The following RAB27A variants were observed in gnomAD, a reference collection of about 807,000 sequenced individuals.
RAB27A encodes the protein RAB27A, member RAS oncogene family.
In RAB27A, 17 loss-of-function variants were observed where a neutral mutation model predicts 20.8. The ratio of observed to expected loss-of-function variants is 0.82; its 90% CI spans 0.56 to 1.23. The LOEUF is 1.23. Ranked by LOEUF, RAB27A falls within the 50% of genes most tolerant of loss-of-function variation. The probability of loss-of-function intolerance (pLI) is 0.00; values close to 1 mark genes in which losing one functional copy is unlikely to be tolerated. For synonymous variants in RAB27A, 85 were observed against 92.8 expected (o/e 0.92, Z 0.48); for missense variants, 277 against 266.7 (o/e 1.04, Z -0.27).
intron 2 of RAB27A, among the ~76,000 whole-genome samples, chr15:55,313,379 T>G (rs529493125): frequency 2.6e-5 from 4 of 152,102 alleles, no homozygotes; most frequent in Admixed American, 2.0e-4. Flanking sequence ...CAAGCCTGGG[T>G]GACAGAGCGA....
intron 1 of RAB27A, among the ~76,000 whole-genome samples, chr15:55,272,956 A>T (rs191156926): frequency 3.3e-4 from 50 of 152,356 alleles, no homozygotes; most frequent in African/African-American, 1.1e-3. Flanking sequence ...CAAAACAGAC[A>T]GAATGGTGGT....
chr15:55,287,650 G>A (rs1898191857), intron 1 of RAB27A, among the ~76,000 whole-genome samples: 1 of 152,102 alleles, frequency 6.6e-6, no homozygotes, highest in Admixed American at 6.5e-5. Flanking sequence ...AGGAGGATGA[G>A]GCAGGAGAAT....
At chr15:55,237,072 A>C (rs185824955) in intron 2 of RAB27A, among the ~76,000 whole-genome samples, 1 of 152,152 alleles carries the variant, frequency 6.6e-6, no homozygotes, top group Non-Finnish European at 1.5e-5. Context: ...ACGACTCTAC[A>C]TGACTATTCA....
intron 2 of RAB27A, among the ~76,000 whole-genome samples, chr15:55,307,072 A>G (rs1048485294): frequency 1.3e-5 from 2 of 152,050 alleles, no homozygotes; most frequent in African/African-American, 4.8e-5. Context: ...CAGTTGGGAT[A>G]GATAAAATGA....
At chr15:55,209,139 G>A (rs1894795378) in intron 6 of RAB27A, among the ~76,000 whole-genome samples, 1 of 152,014 alleles carries the variant, frequency 6.6e-6, no homozygotes, top group African/African-American at 2.4e-5. Context: ...CTTTATACTA[G>A]AACGATTGGA....
chr15:55,275,602 G>T (rs964925666), intron 1 of RAB27A, among the ~76,000 whole-genome samples: 1 of 151,784 alleles, frequency 6.6e-6, no homozygotes, highest in Admixed American at 6.6e-5. Context: ...CTCCAGCCAG[G>T]TGACAGAATG....
chr15:55,300,887 G>C (rs1461565164), intron 2 of RAB27A, among the ~76,000 whole-genome samples: 2 of 152,020 alleles, frequency 1.3e-5, no homozygotes, highest in Non-Finnish European at 2.9e-5. Flanking sequence ...TTAAATAGCT[G>C]TATCCACCCC....
At chr15:55,218,287 A>T (rs116112938) in intron 6 of RAB27A, among the ~76,000 whole-genome samples, 1 of 152,210 alleles carries the variant, frequency 6.6e-6, no homozygotes, top group African/African-American at 2.4e-5. Context: ...TGAACCTGGG[A>T]TATTGCAGCA....
chr15:55,260,437 T>A (rs1191747334), intron 2 of RAB27A, among the ~76,000 whole-genome samples: 1 of 152,216 alleles, frequency 6.6e-6, no homozygotes, highest in Non-Finnish European at 1.5e-5. Flanking sequence ...TTCTTTGGTA[T>A]TTACCCAAAT....
At chr15:55,273,120 A>G (rs1897754981) in intron 1 of RAB27A, among the ~76,000 whole-genome samples, 1 of 152,232 alleles carries the variant, frequency 6.6e-6, no homozygotes, top group South Asian at 2.1e-4. Context: ...ACTGAAAGAC[A>G]TAGAGGTTGG....
intron 1 of RAB27A, among the ~76,000 whole-genome samples, chr15:55,283,232 T>C (rs979416890): frequency 2.5e-4 from 38 of 152,150 alleles, no homozygotes; most frequent in African/African-American, 9.2e-4. Flanking sequence ...TCCCCAGCTG[T>C]GACAGTCAAA....
intron 2 of RAB27A, among the ~76,000 whole-genome samples, chr15:55,299,232 A>C (rs2054961552): frequency 6.6e-6 from 1 of 152,228 alleles, no homozygotes; most frequent in East Asian, 1.9e-4. Flanking sequence ...ATAAATGTCC[A>C]TAAAATCTTC....
At chr15:55,206,376 CAG>C (rs1456388568) in intron 6 of RAB27A, 10 of 476,580 alleles carry the variant, frequency 2.1e-5, no homozygotes, top group African/African-American at 1.5e-4. Context: ...TGTTTTGAGA[CAG>C]AGTCTCTATC....
At position 55,214,166 on chromosome 15, in the gene RAB27A, A is replaced by G. The variant is rs181367201; in HGVS notation, c.468-8461T>C. 1.8e-3 allele frequency among the ~76,000 whole-genome samples: 270 copies of G among 152,268 alleles called. 1 individual carries two copies. Among genetic ancestry groups the G allele is most frequent in the East Asian group, 3.7e-3 (19 of 5,170 alleles). Reference sequence around the variant, plus strand: ...TAAAAACTGGTTGAGGCCGGGCGCGATGGCTGATGCCTGTAATCCCAGCAC... The same window carrying G: ...TAAAAACTGGTTGAGGCCGGGCGCGGTGGCTGATGCCTGTAATCCCAGCAC... On this transcript the variant is annotated intron_variant, in intron 6 of 6. Coordinates refer to ENST00000336787, the MANE Select transcript of RAB27A (RefSeq NM_183235.3).
At chr15:55,275,839 C>T (rs901198838) in intron 1 of RAB27A, among the ~76,000 whole-genome samples, 2 of 146,092 alleles carry the variant, frequency 1.4e-5, no homozygotes, top group African/African-American at 5.0e-5. Context: ...AAAAAGTGCT[C>T]GACATCACTA....
chr15:55,318,154 A>G (rs1282713781), intron 1 of RAB27A, among the ~76,000 whole-genome samples: 5 of 147,846 alleles, frequency 3.4e-5, no homozygotes, highest in Non-Finnish European at 7.4e-5. Flanking sequence ...CTGGAGTGCA[A>G]TGGCGCAATC....
At chr15:55,262,742 C>T (rs1393963553) in intron 2 of RAB27A, among the ~76,000 whole-genome samples, 1 of 151,260 alleles carries the variant, frequency 6.6e-6, no homozygotes, top group Non-Finnish European at 1.5e-5. Context: ...AGGTGACTGT[C>T]CCGCCCCAGC....
In RAB27A at chr15:55,205,480, GA is replaced by G; in HGVS notation, c.*26del. On this transcript the variant is annotated 3_prime_UTR_variant, in exon 7 of 7. Coordinates refer to ENST00000336787, the MANE Select transcript of RAB27A (RefSeq NM_183235.3). ...AGAAGATCCCAGGCATGGGCCACCT[GA>G]ACTACTATGTCGCTTACTTGACTTC... is the stretch of plus-strand genomic sequence containing the variant. The G allele has an allele frequency of 2.5e-6, 4 of 1,604,724 alleles. No homozygotes were observed. The highest frequency in any genetic ancestry group is 3.4e-6 in the Non-Finnish European group (4 of 1,171,510).
intron 1 of RAB27A, among the ~76,000 whole-genome samples, chr15:55,284,608 G>A (rs1407957106): frequency 6.6e-6 from 1 of 152,214 alleles, no homozygotes; most frequent in African/African-American, 2.4e-5. Flanking sequence ...GCTGCCACAT[G>A]TTGGATCTGG....
Sources: gnomAD v4.1 joint callset for allele counts (sites outside exome capture counted in the v4.1 genomes callset) on GRCh38, gnomAD v4.1.1 for gene constraint, MANE v1.5 for transcripts, NCBI Gene and HGNC (gene_info 2026-07-23, HGNC 2026-07-21) for gene names.